The following CAP1 variants were observed in gnomAD, a reference collection of about 807,000 sequenced individuals.
The protein encoded by CAP1 is adenylyl cyclase-associated protein 1.
A neutral mutation model predicts 58.2 loss-of-function variants in CAP1; 11 were observed. That is an observed-to-expected ratio of 0.19 (90% CI 0.12 to 0.31). The LOEUF (loss-of-function observed/expected upper bound fraction) is 0.31. CAP1 is among the 10% of genes least tolerant of loss of function. The pLI, the probability that CAP1 is intolerant of heterozygous loss-of-function variation, is 1.00. For missense variants in CAP1, 423 were observed against 587.5 expected (o/e 0.72, Z 2.89); for synonymous variants, 183 against 213.8 (o/e 0.86, Z 1.26).
intron 1 of CAP1, among the ~76,000 whole-genome samples, chr1:40,043,284 A>G (rs1313541775): frequency 1.3e-5 from 2 of 151,906 alleles, no homozygotes; most frequent in Non-Finnish European, 1.5e-5. Flanking sequence ...TGAAACCTCC[A>G]CCTCCCAGGT....
At position 40,060,100 on chromosome 1, in the gene CAP1, C is replaced by T. The variant is rs765357509; in HGVS notation, c.146C>T (p.Ser49Leu). The stretch of plus-strand genomic sequence containing the variant: ...GCTCCATATGTGCAGGCATTTGACT[C>T]GCTGCTTGCTGGTCCTGTGGCAGAG... Reference protein sequence around the residue: ...GAAPYVQAFDSLLAGPVAEYL... With the variant: ...GAAPYVQAFDLLLAGPVAEYL... Residue 49 changes from serine to leucine, a missense_variant, in exon 3 of 13, where the codon TCG becomes TTG. By Grantham distance (145) the Ser-to-Leu change is moderately radical. Coordinates refer to ENST00000372805, the MANE Select transcript of CAP1 (RefSeq NM_006367.4). 11 of 1,613,596 alleles carry T rather than the reference C, an allele frequency of 6.8e-6. No homozygotes were observed. The highest frequency in any genetic ancestry group is 4.0e-5 in the African/African-American group (3 of 74,888).
At chr1:40,049,782 A>C (rs1277883922) in intron 1 of CAP1, among the ~76,000 whole-genome samples, 1 of 152,198 alleles carries the variant, frequency 6.6e-6, no homozygotes, top group African/African-American at 2.4e-5. Context: ...TAACTAGAAC[A>C]TGCCACAACC....
intron 1 of CAP1, among the ~76,000 whole-genome samples, chr1:40,043,152 A>C (rs1645918076): frequency 6.6e-6 from 1 of 152,116 alleles, no homozygotes; most frequent in African/African-American, 2.4e-5. Flanking sequence ...GCAGAAGACC[A>C]GACTGCAAAA....
intron 6 of CAP1, among the ~76,000 whole-genome samples, chr1:40,064,852 G>A (rs1204181839): frequency 6.6e-6 from 1 of 152,150 alleles, no homozygotes; most frequent in Non-Finnish European, 1.5e-5. Context: ...GTGAGCCACT[G>A]TGCCCAGCCA....
chr1:40,057,081 C>T (rs755648967), intron 1 of CAP1, among the ~76,000 whole-genome samples: 7 of 152,148 alleles, frequency 4.6e-5, no homozygotes, highest in Non-Finnish European at 1.0e-4. Flanking sequence ...GAGCCAAAGT[C>T]CCATGAAGCT....
At chr1:40,043,622 A>C (rs1645945621) in intron 1 of CAP1, among the ~76,000 whole-genome samples, 1 of 152,156 alleles carries the variant, frequency 6.6e-6, no homozygotes, top group Non-Finnish European at 1.5e-5. Context: ...CACGCCTGTA[A>C]TCCTGACACT....
chr1:40,070,650 G>A, intron 11 of CAP1, 138 bp downstream of exon 11: 1 of 942,820 alleles, frequency 1.1e-6, no homozygotes, highest in Non-Finnish European at 1.6e-6. Context: ...CGTGGCAGAA[G>A]AAGGGTTGGC....
At chr1:40,063,860 T>C (rs1377860412) in intron 4 of CAP1, among the ~76,000 whole-genome samples, 1 of 152,010 alleles carries the variant, frequency 6.6e-6, no homozygotes, top group Non-Finnish European at 1.5e-5. Context: ...TCATGAAGCA[T>C]GAGGAAAATT....
rs752095404 is a variant in CAP1, at chr1:40,066,260, G to C, written c.570G>C (p.Trp190Cys). The C allele has an allele frequency of 6.2e-7, 1 of 1,611,910 alleles. No individual in the cohort carries two copies. Among genetic ancestry groups the C allele is most frequent in the Non-Finnish European group, 8.5e-7 (1 of 1,178,766 alleles). Residue 190 changes from tryptophan (W) to cysteine (C), a missense_variant, in exon 7 of 13, where the codon TGG becomes TGC. Transcript: ENST00000372805. ...GGGTCAAAGCTTATTTAAGTATATG[G>C]ACAGAGCTGCAGGCTTACATTAAGG... ...VDWVKAYLSI[W>C]TELQAYIKEF...
intron 1 of CAP1, among the ~76,000 whole-genome samples, chr1:40,046,481 A>AAAAC (rs1646110730): frequency 2.8e-4 from 1 of 3,550 alleles, no homozygotes; most frequent in Non-Finnish European, 5.5e-4. Flanking sequence ...AAAACAAAAC[A>AAAAC]AAAAAAAACA....
Position 40,070,095 on chromosome 1 carries a change from A to G in CAP1, c.994-64A>G, listed in dbSNP as rs544011394. Reference sequence around the variant, plus strand: ...ATTGCAAGAACAAAAAGTTTGGGATAGCCTGGTTATTTTTTGTTCGGTGTG... The same window carrying G: ...ATTGCAAGAACAAAAAGTTTGGGATGGCCTGGTTATTTTTTGTTCGGTGTG... On this transcript the variant is annotated intron_variant, in intron 9 of 12. Coordinates refer to ENST00000372805, the MANE Select transcript of CAP1 (RefSeq NM_006367.4). 4 of 1,605,856 alleles carry G rather than the reference A, an allele frequency of 2.5e-6. No homozygotes were observed. The Admixed American group carries it at 6.7e-5, about 27-fold the overall frequency.
In CAP1 at chr1:40,072,234, T is replaced by C. The variant is rs2124459842; in HGVS notation, c.*701T>C. 2 of 374,424 alleles carry C rather than the reference T, an allele frequency of 5.3e-6. No individual in the cohort carries two copies. The highest frequency in any genetic ancestry group is 5.0e-5 in the Admixed American group (1 of 19,978). 23.2% of individuals were successfully genotyped at this position (374,424 alleles called of 1,614,324 possible). ...GGGATCCCTGCCCAGCACCTTCCTA[T>C]AGAGATGACTTTAAAAGGAAAAAAA... On this transcript the variant is annotated 3_prime_UTR_variant, in exon 13 of 13. Coordinates refer to ENST00000372805, the MANE Select transcript of CAP1 (RefSeq NM_006367.4).
rs755029694 is a variant in CAP1, at chr1:40,070,421, T to G, written c.1118-9T>G. On this transcript the variant is annotated splice_polypyrimidine_tract_variant and intron_variant, in intron 10 of 12. Coordinates refer to ENST00000372805, the MANE Select transcript of CAP1 (RefSeq NM_006367.4). ...GTTACACGTTGACACACTCCCTTTC[T>G]TCTCCTAGATAACTGTAAGAAACTT... The G allele has an allele frequency of 9.3e-6, 15 of 1,612,540 alleles. No individual in the cohort carries two copies. The highest frequency in any genetic ancestry group is 1.3e-5 in the Non-Finnish European group (15 of 1,178,652).
chr1:40,050,617 C>G (rs1417712348), intron 1 of CAP1, among the ~76,000 whole-genome samples: 2 of 151,810 alleles, frequency 1.3e-5, no homozygotes, highest in Non-Finnish European at 1.5e-5. Context: ...TGAGATCATG[C>G]CATCACACTC....
chr1:40,063,907 G>C (rs1349759551), intron 4 of CAP1, among the ~76,000 whole-genome samples: 5 of 152,168 alleles, frequency 3.3e-5, no homozygotes, highest in Non-Finnish European at 7.3e-5. Flanking sequence ...TCATGAGTAA[G>C]GCACAGGAAT....
Position 40,071,438 on chromosome 1 carries a change from CTTT to C in CAP1, c.1345-11_1345-9del, listed in dbSNP as rs764569390. 8.8e-6 allele frequency: 14 copies of C among 1,599,766 alleles called. No individual in the cohort carries two copies. The highest frequency in any genetic ancestry group is 1.1e-5 in the Non-Finnish European group (13 of 1,167,754). Reference sequence around the variant, plus strand: ...CTCAGATTTAAACCTGCTGTCTCTTCTTTATTTGCAGAATGAATTCCCAGTTCC... The same window carrying C: ...CTCAGATTTAAACCTGCTGTCTCTTCATTTGCAGAATGAATTCCCAGTTCC... On this transcript the variant is annotated splice_polypyrimidine_tract_variant and intron_variant, in intron 12 of 12. Transcript: ENST00000372805.
chr1:40,042,675 TGTC>T (rs1310598929), intron 1 of CAP1, among the ~76,000 whole-genome samples: 2 of 152,220 alleles, frequency 1.3e-5, no homozygotes, highest in Non-Finnish European at 2.9e-5. Context: ...AGGAAAATGA[TGTC>T]GTCAGATTTA....
At chr1:40,069,480 C>T (rs1303941950) in intron 8 of CAP1, 4 of 556,096 alleles carry the variant, frequency 7.2e-6, no homozygotes, top group Non-Finnish European at 1.3e-5. Flanking sequence ...ACAATATACA[C>T]ACATTCCATG....
At chr1:40,040,956 G>A (rs1038334682) in intron 1 of CAP1, 155 bp downstream of exon 1, 5 of 152,760 alleles carry the variant, frequency 3.3e-5, no homozygotes, top group African/African-American at 9.6e-5. Context: ...CTTGGGCGCG[G>A]TCTCTTGAGG....
Sources: gnomAD v4.1 joint callset for allele counts (sites outside exome capture counted in the v4.1 genomes callset) on GRCh38, gnomAD v4.1.1 for gene constraint, MANE v1.5 for transcripts, NCBI Gene and HGNC (gene_info 2026-07-23, HGNC 2026-07-21) for gene names.